Variants in DIP2C observed in about 807,000 individuals in gnomAD.
DIP2C encodes the protein disco-interacting protein 2 homolog C.
A neutral mutation model predicts 192.4 loss-of-function variants in DIP2C; 33 were observed. The ratio of observed to expected loss-of-function variants is 0.17; its 90% CI spans 0.13 to 0.23. DIP2C has a LOEUF of 0.23. Among genes scored for constraint, DIP2C ranks in the 10% least tolerant of loss-of-function variants. DIP2C has a pLI of 1.00. For missense variants in DIP2C, 1,537 were observed against 2,110.1 expected (o/e 0.73, Z 5.32); for synonymous variants, 979 against 864.1 (o/e 1.13, Z -2.33).
chr10:591,650 C>CT (rs1031318387), intron 1 of DIP2C, among the ~76,000 whole-genome samples: 3 of 152,186 alleles, frequency 2.0e-5, no homozygotes, highest in African/African-American at 7.2e-5. Flanking sequence ...TACAACTTCC[C>CT]TTTTCATCTG....
intron 2 of DIP2C, among the ~76,000 whole-genome samples, chr10:476,870 T>C (rs1450546095): frequency 2.0e-5 from 3 of 151,456 alleles, no homozygotes; most frequent in African/African-American, 7.3e-5. Flanking sequence ...GGAAAAGCTA[T>C]CAAGGTCGCC....
chr10:471,141 G>T (rs568471472), intron 3 of DIP2C, among the ~76,000 whole-genome samples: 18 of 152,120 alleles, frequency 1.2e-4, no homozygotes, highest in Admixed American at 1.0e-3. Context: ...CATTCCATCC[G>T]CACACATTTT....
chr10:613,022 G>C lies in DIP2C; in HGVS notation c.85+76472C>G, dbSNP rs11253282. ...TGACCACGTTCTTTCCTGCAGTTTT[G>C]CTTCAAGCAGAGCATCCCACACCCA... is the stretch of plus-strand genomic sequence containing the variant. On this transcript the variant is annotated intron_variant, in intron 1 of 36. Transcript: ENST00000280886. 1.2e-3 allele frequency among the ~76,000 whole-genome samples: 184 copies of C among 152,248 alleles called. 3 individuals are homozygous for C. The East Asian group carries it at 0.032, about 26-fold the overall frequency.
rs74665503 is a variant in DIP2C, at chr10:343,845, C to T, written c.3453+964G>A. On this transcript the variant is annotated intron_variant, in intron 28 of 36. Transcript: ENST00000280886. ...GCTTGTGATCAGACACTGTGTTAAG[C>T]GCTGGAGATGAACCGAAGAGTAAGA... Among the ~76,000 whole-genome samples the T allele has an allele frequency of 1.2e-3, 180 of 152,252 alleles. 1 individual carries two copies. The East Asian group carries it at 0.029, about 25-fold the overall frequency.
At chr10:581,023 T>G (rs756333652) in intron 1 of DIP2C, among the ~76,000 whole-genome samples, 303 of 152,342 alleles carry the variant, frequency 2.0e-3, no homozygotes, top group Middle Eastern at 0.01. Context: ...TGGCAGATTA[T>G]TCATTTTCTG....
At chr10:593,309 G>A in intron 1 of DIP2C, among the ~76,000 whole-genome samples, 1 of 152,144 alleles carries the variant, frequency 6.6e-6, no homozygotes, top group East Asian at 1.9e-4. Context: ...CCCACGCCCA[G>A]TGTAACCCTA....
chr10:324,727 A>G (rs1287689966), intron 31 of DIP2C: 1 of 311,458 alleles, frequency 3.2e-6, no homozygotes, highest in Non-Finnish European at 6.6e-6. Context: ...AAGAATACAG[A>G]ACCGTGCTCA....
At chr10:548,633 G>GGGAGGAGATGTGGCC (rs1848429499) in intron 1 of DIP2C, among the ~76,000 whole-genome samples, 1 of 150,960 alleles carries the variant, frequency 6.6e-6, no homozygotes, top group African/African-American at 2.4e-5. Context: ...GTGTGGTGGG[G>GGGAGGAGATGTGGCC]GGAGGAGATG....
intron 6 of DIP2C, among the ~76,000 whole-genome samples, chr10:417,622 G>A (rs371910380): frequency 0.048 from 1,712 of 35,908 alleles, 88 homozygotes; most frequent in African/African-American, 0.1. Context: ...GTCTGCCTGC[G>A]CCTGTCAGGG....
At chr10:638,237 A>C (rs1854944040) in intron 1 of DIP2C, among the ~76,000 whole-genome samples, 1 of 152,258 alleles carries the variant, frequency 6.6e-6, no homozygotes, top group Non-Finnish European at 1.5e-5. Flanking sequence ...AGGTGGAAGT[A>C]ATTCCTTAAA....
At chr10:580,323 G>A (rs921541823) in intron 1 of DIP2C, among the ~76,000 whole-genome samples, 2 of 152,174 alleles carry the variant, frequency 1.3e-5, no homozygotes, top group East Asian at 3.8e-4. Context: ...ATATCCACAA[G>A]TTTATTCAGT....
At chr10:377,144 T>TG (rs1474085839) in intron 17 of DIP2C, among the ~76,000 whole-genome samples, 1 of 151,324 alleles carries the variant, frequency 6.6e-6, no homozygotes. Flanking sequence ...CAGCGCAGTT[T>TG]TTTTTTTTTT....
intron 1 of DIP2C, among the ~76,000 whole-genome samples, chr10:555,302 G>A (rs1256836006): frequency 6.6e-6 from 1 of 151,968 alleles, no homozygotes; most frequent in Non-Finnish European, 1.5e-5. Flanking sequence ...TTTAAGGGCA[G>A]GATCATTTTC....
chr10:394,443 AG>A (rs1409698904), intron 10 of DIP2C, among the ~76,000 whole-genome samples: 1 of 152,028 alleles, frequency 6.6e-6, no homozygotes, highest in Non-Finnish European at 1.5e-5. Flanking sequence ...GGTGCTATTC[AG>A]CCTTCAGCGA....
chr10:366,597 A>G (rs1960241591), intron 18 of DIP2C, among the ~76,000 whole-genome samples, 186 bp from the exon 19 acceptor site: 1 of 152,240 alleles, frequency 6.6e-6, no homozygotes, highest in Admixed American at 6.5e-5. Flanking sequence ...CTGTTGCAGC[A>G]ACATGTCAAA....
intron 17 of DIP2C, among the ~76,000 whole-genome samples, chr10:379,567 G>T (rs1564637679): frequency 6.6e-6 from 1 of 152,108 alleles, no homozygotes; most frequent in Non-Finnish European, 1.5e-5. Context: ...GCAGCCACTG[G>T]GTGGCTTTCT....
chr10:549,675 G>C (rs1487228668), intron 1 of DIP2C, among the ~76,000 whole-genome samples: 2 of 152,170 alleles, frequency 1.3e-5, no homozygotes, highest in Non-Finnish European at 2.9e-5. Flanking sequence ...CCCCGACCAG[G>C]TGCTGGAGGC....
At chr10:367,144 G>A (rs1225110188) in intron 18 of DIP2C, among the ~76,000 whole-genome samples, 3 of 152,206 alleles carry the variant, frequency 2.0e-5, no homozygotes, top group Admixed American at 6.5e-5. Flanking sequence ...AAGGCCGGAC[G>A]CGGTGGCTCA....
At chr10:382,450 GTTT>G in intron 17 of DIP2C, 194 bp downstream of exon 17, 1 of 516,872 alleles carries the variant, frequency 1.9e-6, no homozygotes, top group South Asian at 2.8e-5. Context: ...AGCGATAAAT[GTTT>G]TTTAATGAAT....
Sources: allele counts gnomAD v4.1 joint callset (sites outside exome capture counted in the v4.1 genomes callset), GRCh38; gene constraint gnomAD v4.1.1; transcripts MANE v1.5; gene names NCBI Gene and HGNC (gene_info 2026-07-23, HGNC 2026-07-21).